The following PHF21B variants were observed in gnomAD, a reference collection of about 807,000 sequenced individuals.
PHF21B encodes the protein PHD finger protein 21B.
A neutral mutation model predicts 62.2 loss-of-function variants in PHF21B; 22 were observed. The observed-to-expected ratio is 0.35, with a 90% confidence interval of 0.25 to 0.51. PHF21B has a LOEUF of 0.51. Ranked by LOEUF, PHF21B falls within the 20% of genes least tolerant of loss-of-function variation. The pLI is 0.97. For missense variants in PHF21B, 701 were observed against 707.9 expected, an observed-to-expected ratio of 0.99 and a Z score of 0.11; for synonymous variants, 341 against 314.7, an observed-to-expected ratio of 1.08 and a Z score of -0.88.
At chr22:44,947,014 A>G (rs2072087265) in intron 2 of PHF21B, among the ~76,000 whole-genome samples, 1 of 152,240 alleles carries the variant, frequency 6.6e-6, no homozygotes, top group African/African-American at 2.4e-5. Flanking sequence ...CTGAAGCCCA[A>G]TGACAATGCC....
chr22:44,907,059 T>C (rs1468800314), intron 5 of PHF21B, among the ~76,000 whole-genome samples: 2 of 152,154 alleles, frequency 1.3e-5, no homozygotes, highest in Non-Finnish European at 2.9e-5. Flanking sequence ...TTTTAGAGCA[T>C]TGCAGATGTG....
At chr22:44,954,261 C>G (rs1285202721) in intron 2 of PHF21B, among the ~76,000 whole-genome samples, 1 of 152,264 alleles carries the variant, frequency 6.6e-6, no homozygotes, top group Non-Finnish European at 1.5e-5. Context: ...TTCCAGCCTT[C>G]TGAAAGAATC....
intron 3 of PHF21B, among the ~76,000 whole-genome samples, chr22:44,917,664 G>A (rs1437929361): frequency 6.6e-6 from 1 of 152,190 alleles, no homozygotes; most frequent in Non-Finnish European, 1.5e-5. Flanking sequence ...CGGTAATAAT[G>A]ATGCTACCGT....
chr22:44,902,078 G>T, intron 5 of PHF21B: 1 of 217,732 alleles, frequency 4.6e-6, no homozygotes, highest in East Asian at 1.3e-4. Flanking sequence ...GAAGAGCTGG[G>T]CAGTGGCTGT....
chr22:44,895,896 C>T, intron 6 of PHF21B, 136 bp downstream of exon 6: 1 of 923,116 alleles, frequency 1.1e-6, no homozygotes, highest in African/African-American at 1.6e-5. Flanking sequence ...AGACCCACTG[C>T]AGCAGTGTGA....
chr22:44,985,824 A>ACCATCG (rs1429516470), intron 2 of PHF21B, among the ~76,000 whole-genome samples: 4 of 151,960 alleles, frequency 2.6e-5, no homozygotes, highest in Non-Finnish European at 4.4e-5. Context: ...CATCACCATC[A>ACCATCG]CCATGGGCAC....
At chr22:44,921,555 CG>C (rs1421204911) in intron 2 of PHF21B, among the ~76,000 whole-genome samples, 9 of 149,350 alleles carry the variant, frequency 6.0e-5, no homozygotes, top group Non-Finnish European at 8.9e-5. Context: ...TTAGTAGAGA[CG>C]GGGTTTCACC....
chr22:44,908,177 C>T (rs1323509885), intron 5 of PHF21B, among the ~76,000 whole-genome samples: 2 of 152,178 alleles, frequency 1.3e-5, no homozygotes, highest in Non-Finnish European at 1.5e-5. Context: ...GCAGAGATGG[C>T]GTCTCCAGTG....
intron 2 of PHF21B, among the ~76,000 whole-genome samples, chr22:44,961,004 T>C (rs1215667769): frequency 7.1e-6 from 1 of 139,876 alleles, no homozygotes; most frequent in Non-Finnish European, 1.5e-5. Context: ...TCACCCAGGC[T>C]GGAGTGCAGT....
intron 2 of PHF21B, among the ~76,000 whole-genome samples, chr22:44,969,608 G>A (rs530964978): frequency 6.6e-6 from 1 of 152,134 alleles, no homozygotes; most frequent in Non-Finnish European, 1.5e-5. Context: ...AGAGGTTACA[G>A]TGAGCTGAGA....
chr22:45,009,957 C>A lies in PHF21B; in HGVS notation c.-408G>T. 2 of 146,526 alleles carry A rather than the reference C, an allele frequency of 1.4e-5. No individual in the cohort carries two copies. The highest frequency in any genetic ancestry group is 3.6e-4 in the South Asian group (2 of 5,522). 9.1% of individuals were successfully genotyped at this position (146,526 alleles called of 1,614,324 possible). A position where few individuals can be genotyped will look rare whatever the true frequency, so the allele number is the denominator to read the frequency against. ...TCCTCCGGCGCGCGCGCCTGGATCT[C>A]GTTGGGCCTCGGCAAAGTTGTGCCT... is the stretch of plus-strand genomic sequence containing the variant. On this transcript the variant is annotated 5_prime_UTR_variant, in exon 1 of 13. Transcript: ENST00000313237. This position sits in a 1 kb window ranked among gnomAD's most constrained non-coding sequence, Gnocchi z 5.9.
chr22:44,887,117 T>G (rs187464666), intron 10 of PHF21B, among the ~76,000 whole-genome samples: 1 of 147,492 alleles, frequency 6.8e-6, no homozygotes. Flanking sequence ...GATCATGCCA[T>G]TGCACTCCAG....
intron 2 of PHF21B, among the ~76,000 whole-genome samples, chr22:44,948,026 G>GTCCCTCC (rs2147382361): frequency 6.6e-6 from 1 of 152,042 alleles, no homozygotes. Flanking sequence ...CCCCACTGCT[G>GTCCCTCC]TCCCGTTCGG....
intron 5 of PHF21B, among the ~76,000 whole-genome samples, chr22:44,902,629 T>C (rs955262471): frequency 2.0e-5 from 3 of 152,212 alleles, no homozygotes; most frequent in Non-Finnish European, 4.4e-5. Flanking sequence ...CATGGTTAAT[T>C]CTCTCCAGTA....
In PHF21B at chr22:45,000,313, G is replaced by C. The variant is rs545391962; in HGVS notation, c.120+8232C>G. On this transcript the variant is annotated intron_variant, in intron 2 of 12. Transcript: ENST00000313237. ...CTAGAGGTGACCAGAGCCTCCCCGA[G>C]ACACTGCCCCATACATATCAAGAGC... is the stretch of plus-strand genomic sequence containing the variant. Among the ~76,000 whole-genome samples, 12 of 152,270 alleles carry C rather than the reference G, an allele frequency of 7.9e-5. No individual in the cohort carries two copies. The East Asian group carries it at 2.3e-3, about 29-fold the overall frequency.
intron 5 of PHF21B, among the ~76,000 whole-genome samples, chr22:44,912,816 C>T (rs1399090775): frequency 2.3e-5 from 3 of 128,046 alleles, no homozygotes; most frequent in East Asian, 4.8e-4. Context: ...GAGGTTGAGG[C>T]TGCAGTGAGC....
At chr22:44,986,418 C>T (rs905843242) in intron 2 of PHF21B, among the ~76,000 whole-genome samples, 1 of 151,658 alleles carries the variant, frequency 6.6e-6, no homozygotes, top group Non-Finnish European at 1.5e-5. Flanking sequence ...CTCATTACCA[C>T]CTGCATCCGC....
chr22:44,979,444 C>T (rs2072797622), intron 2 of PHF21B, among the ~76,000 whole-genome samples: 1 of 152,228 alleles, frequency 6.6e-6, no homozygotes, highest in South Asian at 2.1e-4. Flanking sequence ...CTGCCAGCCC[C>T]CTCCCAGCCA....
chr22:44,888,170 CG>C, intron 9 of PHF21B, 49 bp from the exon 10 acceptor site: 5 of 1,442,044 alleles, frequency 3.5e-6, no homozygotes, highest in African/African-American at 2.9e-5. Context: ...GCCAGGGCAG[CG>C]GGGGCCGGTC....
Sources: gnomAD v4.1 joint callset for allele counts (sites outside exome capture counted in the v4.1 genomes callset) on GRCh38, gnomAD v4.1.1 for gene constraint, Gnocchi (gnomAD v3.1) non-coding constraint, MANE v1.5 for transcripts, NCBI Gene and HGNC (gene_info 2026-07-23, HGNC 2026-07-21) for gene names.